The following LSAMP variants were observed in gnomAD, a reference collection of about 807,000 sequenced individuals.
LSAMP encodes the protein limbic system associated membrane protein, also known as limbic system-associated membrane protein.
In LSAMP, 7 loss-of-function variants were observed where a neutral mutation model predicts 38.6. That is an observed-to-expected ratio of 0.18 (90% CI 0.10 to 0.34). The LOEUF (loss-of-function observed/expected upper bound fraction) is 0.34. Among genes scored for constraint, LSAMP ranks in the 10% least tolerant of loss-of-function variants. The pLI is 1.00. For missense variants in LSAMP, 313 were observed against 420.0 expected, an observed-to-expected ratio of 0.75 and a Z score of 2.23; for synonymous variants, 154 against 166.8, an observed-to-expected ratio of 0.92 and a Z score of 0.59.
intron 1 of LSAMP, among the ~76,000 whole-genome samples, chr3:116,241,268 T>C (rs186903870): frequency 2.0e-5 from 3 of 151,344 alleles, no homozygotes; most frequent in Admixed American, 2.0e-4. Flanking sequence ...TTTCTGTTAA[T>C]ATATTCTTTA....
At chr3:116,186,225 TA>T (rs959883432) in intron 1 of LSAMP, among the ~76,000 whole-genome samples, 10 of 152,248 alleles carry the variant, frequency 6.6e-5, no homozygotes, top group Admixed American at 2.6e-4. Flanking sequence ...AAAAGATGTA[TA>T]AAGTCTTTTT....
intron 2 of LSAMP, among the ~76,000 whole-genome samples, chr3:116,038,466 A>G (rs1369695278): frequency 2.0e-5 from 3 of 152,180 alleles, no homozygotes; most frequent in Non-Finnish European, 2.9e-5. Context: ...ACAGGTGACC[A>G]GCAACTTTTA....
chr3:115,965,294 A>G (rs1451432052), intron 3 of LSAMP, among the ~76,000 whole-genome samples: 1 of 152,044 alleles, frequency 6.6e-6, no homozygotes, highest in East Asian at 1.9e-4. Context: ...AACTATAACA[A>G]TTGTGCTGAG....
chr3:116,113,987 T>C (rs2107475832), intron 1 of LSAMP, among the ~76,000 whole-genome samples: 1 of 152,264 alleles, frequency 6.6e-6, no homozygotes, highest in East Asian at 1.9e-4. Flanking sequence ...ATGGGAGACA[T>C]GGAAATAGAA....
chr3:115,959,075 C>T (rs1479834013), intron 3 of LSAMP, among the ~76,000 whole-genome samples: 1 of 152,154 alleles, frequency 6.6e-6, no homozygotes, highest in Non-Finnish European at 1.5e-5. Flanking sequence ...AGATTTGTCT[C>T]CTGATCTAGA....
At chr3:116,424,618 G>A (rs556372228) in intron 1 of LSAMP, among the ~76,000 whole-genome samples, 1 of 152,316 alleles carries the variant, frequency 6.6e-6, no homozygotes, top group African/African-American at 2.4e-5. Context: ...GTCTTACATA[G>A]AGACTTAGTC....
intron 1 of LSAMP, among the ~76,000 whole-genome samples, chr3:116,102,152 A>G (rs1434967774): frequency 2.0e-5 from 3 of 152,212 alleles, no homozygotes; most frequent in Non-Finnish European, 4.4e-5. Flanking sequence ...TGTACAGTAG[A>G]ATTTTCTCCA....
At position 115,802,869 on chromosome 3, in the gene LSAMP, TC is replaced by T. The variant is rs1375986525; in HGVS notation, c.*7447del. On this transcript the variant is annotated 3_prime_UTR_variant, in exon 7 of 7. Transcript: ENST00000490035. ...TTGGAAGTGTTCTCTTTTGCTTCTC[TC>T]CCCCTGAATTTCTTCCCTTTAACCT... The T allele has an allele frequency of 6.6e-6, 1 of 152,128 alleles. No individual in the cohort carries two copies. The highest frequency in any genetic ancestry group is 2.4e-5 in the African/African-American group (1 of 41,422). 9.4% of individuals were successfully genotyped at this position (152,128 alleles called of 1,614,324 possible). A position where few individuals can be genotyped will look rare whatever the true frequency, so the allele number is the denominator to read the frequency against.
intron 3 of LSAMP, among the ~76,000 whole-genome samples, chr3:115,865,209 A>G (rs1182435145): frequency 6.6e-6 from 1 of 152,218 alleles, no homozygotes; most frequent in Non-Finnish European, 1.5e-5. Flanking sequence ...TTTAGAAAGC[A>G]GACCATTTTG....
At chr3:116,412,444 C>A (rs534718533) in intron 1 of LSAMP, among the ~76,000 whole-genome samples, 1 of 152,192 alleles carries the variant, frequency 6.6e-6, no homozygotes, top group South Asian at 2.1e-4. Context: ...TCTGATCACT[C>A]ACTTGAACTC....
chr3:116,126,387 C>T (rs913086160), intron 1 of LSAMP, among the ~76,000 whole-genome samples: 2 of 152,242 alleles, frequency 1.3e-5, no homozygotes, highest in African/African-American at 4.8e-5. Flanking sequence ...TATCAATTCC[C>T]TTGCCAAATT....
intron 2 of LSAMP, among the ~76,000 whole-genome samples, chr3:116,078,228 A>G (rs1275666266): frequency 2.0e-5 from 3 of 151,816 alleles, no homozygotes; most frequent in African/African-American, 7.3e-5. Context: ...AAATTCCATC[A>G]TTCCTTCTAT....
chr3:116,249,314 T>C (rs779344611), intron 1 of LSAMP, among the ~76,000 whole-genome samples: 1 of 152,114 alleles, frequency 6.6e-6, no homozygotes, highest in Non-Finnish European at 1.5e-5. Flanking sequence ...CATGCCAAGA[T>C]GACAAGACAA....
intron 1 of LSAMP, among the ~76,000 whole-genome samples, chr3:116,232,139 A>C (rs546106452): frequency 6.6e-6 from 1 of 152,288 alleles, no homozygotes; most frequent in East Asian, 1.9e-4. Context: ...ATACACATTA[A>C]ATCAATAGCT....
intron 3 of LSAMP, among the ~76,000 whole-genome samples, chr3:116,018,805 G>A (rs941256672): frequency 4.6e-5 from 7 of 152,116 alleles, no homozygotes; most frequent in Non-Finnish European, 1.0e-4. Flanking sequence ...GGGAAAGAAA[G>A]GATGTTGAAG....
intron 1 of LSAMP, among the ~76,000 whole-genome samples, chr3:116,127,242 A>T (rs1409116265): frequency 6.6e-6 from 1 of 152,182 alleles, no homozygotes; most frequent in Non-Finnish European, 1.5e-5. Flanking sequence ...TTTGGTTTAT[A>T]TTCTCCGTTA....
intron 1 of LSAMP, among the ~76,000 whole-genome samples, chr3:116,222,321 T>C (rs2046295228): frequency 6.6e-6 from 1 of 151,882 alleles, no homozygotes; most frequent in Non-Finnish European, 1.5e-5. Flanking sequence ...CCCACAGTGC[T>C]GCATCCTATG....
intron 1 of LSAMP, among the ~76,000 whole-genome samples, chr3:116,194,957 T>C (rs1243062501): frequency 6.6e-6 from 1 of 152,254 alleles, no homozygotes; most frequent in African/African-American, 2.4e-5. Context: ...TTCTTCATTC[T>C]TTCCCTTCTT....
At chr3:115,888,209 A>G (rs575800907) in intron 3 of LSAMP, among the ~76,000 whole-genome samples, 1 of 151,980 alleles carries the variant, frequency 6.6e-6, no homozygotes, top group Admixed American at 6.6e-5. Flanking sequence ...TTCTTCTCAT[A>G]AACCATGAAA....
Sources: allele counts gnomAD v4.1 joint callset (sites outside exome capture counted in the v4.1 genomes callset), GRCh38; gene constraint gnomAD v4.1.1; transcripts MANE v1.5; gene names NCBI Gene and HGNC (gene_info 2026-07-23, HGNC 2026-07-21).